The following XKR4 variants were observed in gnomAD, a reference collection of about 807,000 sequenced individuals.
XKR4 encodes the protein XK-related protein 4.
In XKR4, 12 loss-of-function variants were observed where a neutral mutation model predicts 53.9. That is an observed-to-expected ratio of 0.22 (90% confidence interval 0.14 to 0.36). The LOEUF (loss-of-function observed/expected upper bound fraction) is 0.36. Ranked by LOEUF, XKR4 falls within the 10% of genes least tolerant of loss-of-function variation. The pLI, the probability that XKR4 is intolerant of heterozygous loss-of-function variation, is 1.00. For missense variants in XKR4, 799 were observed against 859.5 expected (o/e 0.93, Z 0.88); for synonymous variants, 354 against 362.4 (o/e 0.98, Z 0.26).
rs553810090 is a variant in XKR4, at chr8:55,527,142, A to G, written c.*2915A>G. On this transcript the variant is annotated 3_prime_UTR_variant, in exon 3 of 3. Coordinates refer to ENST00000327381, the MANE Select transcript of XKR4 (RefSeq NM_052898.2). Reference sequence around the variant, plus strand: ...ATAACAACTTTTACTTGTTTTCTAGATGCACAGATAACAGAGAGTTTAAAG... The same window carrying G: ...ATAACAACTTTTACTTGTTTTCTAGGTGCACAGATAACAGAGAGTTTAAAG... The G allele has an allele frequency of 6.6e-6, 1 of 152,358 alleles. No individual in the cohort carries two copies. The highest frequency in any genetic ancestry group is 2.4e-5 in the African/African-American group (1 of 41,596). The allele number at this position is 152,358 out of a possible 1,614,324, so 9.4% of individuals were successfully genotyped here. A position where few individuals can be genotyped will look rare whatever the true frequency, so the allele number is the denominator to read the frequency against.
chr8:55,233,363 A>G (rs1274377837), intron 1 of XKR4, among the ~76,000 whole-genome samples: 1 of 150,362 alleles, frequency 6.7e-6, no homozygotes, highest in Non-Finnish European at 1.5e-5. Context: ...TGTCATTCTA[A>G]ATTCCCACTG....
At chr8:55,304,894 T>G (rs1268986401) in intron 1 of XKR4, among the ~76,000 whole-genome samples, 2 of 151,982 alleles carry the variant, frequency 1.3e-5, no homozygotes, top group African/African-American at 2.4e-5. Context: ...GTGCAGACAC[T>G]TTATTACCAG....
At position 55,541,776 on chromosome 8, in the gene XKR4, T is replaced by C. The variant is rs113370998; in HGVS notation, c.*17549T>C. 2.0e-5 allele frequency: 3 copies of C among 152,204 alleles called. No individual in the cohort carries two copies. The highest frequency in any genetic ancestry group is 7.2e-5 in the African/African-American group (3 of 41,454). The allele number at this position is 152,204 out of a possible 1,614,324, so 9.4% of individuals were successfully genotyped here. Reference sequence around the variant, plus strand: ...TTCCTGTAAATATATATATTCAAATTCCATGTATCCAAACATCCCTTTAGC... The same window carrying C: ...TTCCTGTAAATATATATATTCAAATCCCATGTATCCAAACATCCCTTTAGC... On this transcript the variant is annotated 3_prime_UTR_variant, in exon 3 of 3. Coordinates refer to ENST00000327381, the MANE Select transcript of XKR4 (RefSeq NM_052898.2).
chr8:55,443,276 G>GT, intron 2 of XKR4, among the ~76,000 whole-genome samples: 1 of 152,012 alleles, frequency 6.6e-6, no homozygotes, highest in South Asian at 2.1e-4. Context: ...CCAAAGGCCA[G>GT]TATCAGGTTA....
chr8:55,387,322 G>A (rs563911710), intron 2 of XKR4, among the ~76,000 whole-genome samples: 18 of 152,036 alleles, frequency 1.2e-4, no homozygotes, highest in Non-Finnish European at 1.8e-4. Flanking sequence ...TGTGACTATC[G>A]TGGATCACCT....
intron 1 of XKR4, among the ~76,000 whole-genome samples, chr8:55,157,597 G>A (rs181727553): frequency 6.6e-6 from 1 of 152,066 alleles, no homozygotes; most frequent in East Asian, 1.9e-4. Context: ...ATGGGGGTTG[G>A]GTATACAGAT....
At chr8:55,374,002 TACTC>T (rs1344639744) in intron 2 of XKR4, among the ~76,000 whole-genome samples, 1 of 152,104 alleles carries the variant, frequency 6.6e-6, no homozygotes, top group African/African-American at 2.4e-5. Context: ...CGAGGTCTCT[TACTC>T]AGGCCAAGTG....
intron 1 of XKR4, among the ~76,000 whole-genome samples, chr8:55,221,142 AGCCCTGCTG>A (rs1817875949): frequency 6.6e-6 from 1 of 152,228 alleles, no homozygotes; most frequent in African/African-American, 2.4e-5. Flanking sequence ...TGTGGAGCCC[AGCCCTGCTG>A]GTTGGAGTAG....
At chr8:55,139,487 T>C (rs183010832) in intron 1 of XKR4, among the ~76,000 whole-genome samples, 263 of 126,916 alleles carry the variant, frequency 2.1e-3, no homozygotes, top group Non-Finnish European at 3.6e-3. Context: ...TACTCCAGGC[T>C]GGGTGACAGA....
intron 1 of XKR4, among the ~76,000 whole-genome samples, chr8:55,107,630 G>T (rs1242627107): frequency 6.6e-6 from 1 of 152,140 alleles, no homozygotes; most frequent in Non-Finnish European, 1.5e-5. Flanking sequence ...TAGTTTTAAT[G>T]ATTACATGGC....
intron 1 of XKR4, among the ~76,000 whole-genome samples, 168 bp from the exon 2 acceptor site, chr8:55,357,510 A>G (rs768150460): frequency 3.3e-5 from 5 of 152,220 alleles, no homozygotes; most frequent in Non-Finnish European, 2.9e-5. Context: ...ATTTACAAAT[A>G]TGGGTACTCT....
chr8:55,283,005 C>T (rs1205630046), intron 1 of XKR4, among the ~76,000 whole-genome samples: 1 of 152,086 alleles, frequency 6.6e-6, no homozygotes, highest in South Asian at 2.1e-4. Flanking sequence ...AAATACTTAC[C>T]ATGGTGTTAC....
rs745920299 is a variant in XKR4 at position 55,103,210 on chromosome 8, G to T, written c.722G>T (p.Gly241Val). ...SNSSGATRAS[G>V]KHRSASCSFC... ...AGCAGCGGGGCTACCCGGGCCAGTG[G>T]CAAGCACAGGTCTGCGTCCTGCTCC... Residue 241 changes from glycine to valine, a missense_variant, in exon 1 of 3, where the codon GGC becomes GTC. Coordinates refer to ENST00000327381, the MANE Select transcript of XKR4 (RefSeq NM_052898.2). The T allele has an allele frequency of 1.9e-6, 3 of 1,614,092 alleles. No individual in the cohort carries two copies. Among genetic ancestry groups the T allele is most frequent in the East Asian group, 4.5e-5 (2 of 44,862 alleles).
chr8:55,301,412 T>G (rs1237350107), intron 1 of XKR4, among the ~76,000 whole-genome samples: 1 of 152,010 alleles, frequency 6.6e-6, no homozygotes, highest in African/African-American at 2.4e-5. Context: ...ACATTTGGGT[T>G]GGTTCCAAGT....
intron 2 of XKR4, among the ~76,000 whole-genome samples, chr8:55,402,017 G>A (rs1054239591): frequency 8.6e-5 from 13 of 152,028 alleles, no homozygotes; most frequent in African/African-American, 2.4e-4. Context: ...TTGTATTTTC[G>A]CGAATCTTTT....
chr8:55,495,436 C>A (rs1806328490), intron 2 of XKR4, among the ~76,000 whole-genome samples: 1 of 152,214 alleles, frequency 6.6e-6, no homozygotes, highest in South Asian at 2.1e-4. Flanking sequence ...GAGCATGAAC[C>A]CCCAGCTGTG....
intron 1 of XKR4, among the ~76,000 whole-genome samples, chr8:55,289,737 GAA>G (rs71256530): frequency 0.76 from 104,275 of 136,832 alleles, 42,248 homozygotes; most frequent in Non-Finnish European, 0.91. Context: ...AAGAAAGAAA[GAA>G]AGAAAAAGAA....
intron 1 of XKR4, among the ~76,000 whole-genome samples, chr8:55,295,134 C>T (rs1461343714): frequency 6.6e-6 from 1 of 152,140 alleles, no homozygotes; most frequent in Non-Finnish European, 1.5e-5. Context: ...ACGAGGCTAG[C>T]TGTAAAGGGA....
intron 1 of XKR4, among the ~76,000 whole-genome samples, chr8:55,239,914 T>G (rs1818185384): frequency 6.6e-6 from 1 of 152,176 alleles, no homozygotes; most frequent in South Asian, 2.1e-4. Context: ...TTATTCACAC[T>G]TGACCTAATG....
Sources: allele counts gnomAD v4.1 joint callset (sites outside exome capture counted in the v4.1 genomes callset), GRCh38; gene constraint gnomAD v4.1.1; transcripts MANE v1.5; gene names NCBI Gene and HGNC (gene_info 2026-07-23, HGNC 2026-07-21).